CTNNA2: variants seen among roughly 807,000 people sequenced by gnomAD.
CTNNA2 encodes catenin alpha 2, also known as catenin alpha-2.
In CTNNA2, 42 loss-of-function variants were observed where a neutral mutation model predicts 101.0. That is an observed-to-expected ratio of 0.42 (90% confidence interval 0.32 to 0.54). The LOEUF is 0.54. Ranked by LOEUF, CTNNA2 falls within the 20% of genes least tolerant of loss-of-function variation. CTNNA2 has a pLI of 0.14. For synonymous variants in CTNNA2, 450 were observed against 456.4 expected (o/e 0.99, Z 0.18); for missense variants, 871 against 1,223.1 (o/e 0.71, Z 4.29).
At chr2:80,019,198 TG>T (rs1476122782) in intron 7 of CTNNA2, among the ~76,000 whole-genome samples, 1 of 152,156 alleles carries the variant, frequency 6.6e-6, no homozygotes, top group African/African-American at 2.4e-5. Context: ...GGTATCTGAG[TG>T]GGGGTCCTGG....
At chr2:79,742,249 G>T (rs570177335) in intron 2 of CTNNA2, among the ~76,000 whole-genome samples, 1 of 152,162 alleles carries the variant, frequency 6.6e-6, no homozygotes, top group South Asian at 2.1e-4. Flanking sequence ...TAGTCGTGTA[G>T]CAATTTTGGT....
At chr2:80,360,457 T>C (rs955595238) in intron 7 of CTNNA2, among the ~76,000 whole-genome samples, 4 of 152,108 alleles carry the variant, frequency 2.6e-5, no homozygotes, top group Non-Finnish European at 1.5e-5. Flanking sequence ...AGATATAGAA[T>C]AGGTGAGAAT....
rs190629226 is a variant in CTNNA2 at position 80,496,234 on chromosome 2, C to T, written c.1291-48748C>T. On this transcript the variant is annotated intron_variant, in intron 9 of 18. Coordinates refer to ENST00000402739, the MANE Select transcript of CTNNA2 (RefSeq NM_001282597.3). ...CCACCTAGTGCGTGGTACTTTGTTA[C>T]GACAGCCCCAGGAAACTAATGTAGG... is the stretch of plus-strand genomic sequence containing the variant. Among the ~76,000 whole-genome samples, 240 of 152,182 alleles carry T rather than the reference C, an allele frequency of 1.6e-3. 1 individual carries two copies. Among genetic ancestry groups the T allele is most frequent in the Non-Finnish European group, 2.9e-3 (196 of 68,000 alleles).
chr2:80,533,639 C>T (rs1174227912), intron 9 of CTNNA2, among the ~76,000 whole-genome samples: 2 of 152,140 alleles, frequency 1.3e-5, no homozygotes, highest in African/African-American at 4.8e-5. Flanking sequence ...GAGATGGATC[C>T]TGGAGTTTTC....
chr2:79,732,900 C>A (rs183792304), intron 2 of CTNNA2, among the ~76,000 whole-genome samples: 440 of 151,988 alleles, frequency 2.9e-3, no homozygotes, highest in Non-Finnish European at 5.2e-3. Context: ...AAACAAAAAA[C>A]AAAAAACAAA....
chr2:79,289,780 C>T (rs534040361), intron 2 of CTNNA2, among the ~76,000 whole-genome samples: 1 of 152,066 alleles, frequency 6.6e-6, no homozygotes, highest in Non-Finnish European at 1.5e-5. Context: ...ATGCAGCAAC[C>T]AAGTTCTCTG....
intron 9 of CTNNA2, among the ~76,000 whole-genome samples, chr2:80,524,870 A>T (rs114326760): frequency 3.4e-3 from 519 of 152,190 alleles, no homozygotes; most frequent in African/African-American, 0.012. Context: ...ATTTGACTTC[A>T]TTCGCTCTTT....
At chr2:80,083,874 T>A (rs1699294776) in intron 7 of CTNNA2, among the ~76,000 whole-genome samples, 1 of 152,166 alleles carries the variant, frequency 6.6e-6, no homozygotes, top group Non-Finnish European at 1.5e-5. Context: ...TTGTGAGGTA[T>A]GTAGGGATGC....
intron 7 of CTNNA2, among the ~76,000 whole-genome samples, chr2:80,341,418 G>A (rs1470150342): frequency 6.7e-6 from 1 of 148,968 alleles, no homozygotes; most frequent in Non-Finnish European, 1.5e-5. Flanking sequence ...AGGAACAAAG[G>A]ATGAAGACTA....
chr2:80,044,952 A>G (rs1463342459), intron 7 of CTNNA2, among the ~76,000 whole-genome samples: 3 of 152,038 alleles, frequency 2.0e-5, no homozygotes, highest in Non-Finnish European at 4.4e-5. Context: ...ACTGCAGTAC[A>G]CTCAAGTTAT....
intron 7 of CTNNA2, among the ~76,000 whole-genome samples, chr2:80,016,359 C>A (rs1476240555): frequency 6.6e-6 from 1 of 152,100 alleles, no homozygotes; most frequent in East Asian, 1.9e-4. Flanking sequence ...GAGTGCCAGG[C>A]TGCTCAGAAG....
At chr2:79,371,010 C>T (rs894626829) in intron 3 of CTNNA2, among the ~76,000 whole-genome samples, 1 of 152,084 alleles carries the variant, frequency 6.6e-6, no homozygotes, top group Non-Finnish European at 1.5e-5. Flanking sequence ...CTGAGCTGAT[C>T]AGCTTTTCTG....
At chr2:79,945,251 G>A (rs1574376821) in intron 7 of CTNNA2, among the ~76,000 whole-genome samples, 1 of 152,078 alleles carries the variant, frequency 6.6e-6, no homozygotes, top group Admixed American at 6.6e-5. Flanking sequence ...ATGTTGCCCA[G>A]GCTGGTCTTA....
At chr2:80,306,432 C>CTT (rs1407911377) in intron 7 of CTNNA2, among the ~76,000 whole-genome samples, 8 of 141,712 alleles carry the variant, frequency 5.6e-5, no homozygotes, top group Non-Finnish European at 7.7e-5. Flanking sequence ...TTCTTTCTTT[C>CTT]TTTCTTTCTT....
At chr2:79,512,847 G>A (rs1400344478), upstream of CTNNA2, among the ~76,000 whole-genome samples, 5 of 151,028 alleles carry the variant, frequency 3.3e-5, no homozygotes, top group East Asian at 8.0e-4. Flanking sequence ...CTCGATGCCC[G>A]GTGCCTTTCC....
At chr2:79,532,505 A>T (rs1188563932) in intron 1 of CTNNA2, among the ~76,000 whole-genome samples, 4 of 152,022 alleles carry the variant, frequency 2.6e-5, no homozygotes, top group Non-Finnish European at 5.9e-5. Flanking sequence ...TACTTTAAAA[A>T]TTTTCTTCCT....
chr2:79,284,564 A>T (rs984595300), intron 2 of CTNNA2, among the ~76,000 whole-genome samples: 1 of 151,102 alleles, frequency 6.6e-6, no homozygotes, highest in Non-Finnish European at 1.5e-5. Flanking sequence ...GATTACATTT[A>T]TTGATTTGCA....
At chr2:80,580,885 G>A (rs929943366) in intron 13 of CTNNA2, among the ~76,000 whole-genome samples, 2 of 152,022 alleles carry the variant, frequency 1.3e-5, no homozygotes, top group Non-Finnish European at 2.9e-5. Flanking sequence ...GCATGATGGT[G>A]TACACCTGTA....
At chr2:79,281,717 C>T (rs766839515) in intron 2 of CTNNA2, among the ~76,000 whole-genome samples, 1 of 152,212 alleles carries the variant, frequency 6.6e-6, no homozygotes, top group Non-Finnish European at 1.5e-5. Flanking sequence ...AAGACAACAG[C>T]ACACACTTCA....
Sources: gnomAD v4.1 joint callset for allele counts (sites outside exome capture counted in the v4.1 genomes callset) on GRCh38, gnomAD v4.1.1 for gene constraint, MANE v1.5 for transcripts, NCBI Gene and HGNC (gene_info 2026-07-23, HGNC 2026-07-21) for gene names.